Variants in PCDHA12 observed in about 807,000 individuals in gnomAD.
The protein encoded by PCDHA12 is protocadherin alpha 12.
In PCDHA12, 44 loss-of-function variants were observed where a neutral mutation model predicts 60.0. That is an observed-to-expected ratio of 0.73 (90% CI 0.58 to 0.94). The LOEUF (loss-of-function observed/expected upper bound fraction) is 0.94, where lower values mean the gene tolerates loss of function less well. Ranked by LOEUF, PCDHA12 falls within the 40% of genes least tolerant of loss-of-function variation. The probability of loss-of-function intolerance (pLI) is 0.00; values close to 1 mark genes in which losing one functional copy is unlikely to be tolerated. For missense variants in PCDHA12, 1,276 were observed against 1,239.7 expected, an observed-to-expected ratio of 1.03 and a Z score of -0.44; for synonymous variants, 569 against 553.0, an observed-to-expected ratio of 1.03 and a Z score of -0.40.
At chr5:140,877,881 G>T (rs782565949) in intron 1 of PCDHA12, 42 bp downstream of exon 1, 73 of 1,468,602 alleles carry the variant, frequency 5.0e-5, no homozygotes, top group Non-Finnish European at 5.9e-5. Flanking sequence ...TTTCCTTGAA[G>T]AACTTCCGTT....
chr5:140,883,504 C>A, intron 1 of PCDHA12: 1 of 1,614,172 alleles, frequency 6.2e-7, no homozygotes, highest in Non-Finnish European at 8.5e-7. Context: ...TGGACAGCGC[C>A]CTGGACCGCG....
chr5:140,947,569 A>G (rs2094145868), intron 1 of PCDHA12, among the ~76,000 whole-genome samples: 1 of 151,666 alleles, frequency 6.6e-6, no homozygotes. Flanking sequence ...TATATTGGGA[A>G]TGTTTTTAAC....
At chr5:140,972,797 G>A (rs1563419152) in intron 1 of PCDHA12, among the ~76,000 whole-genome samples, 3 of 151,664 alleles carry the variant, frequency 2.0e-5, no homozygotes, top group Admixed American at 2.0e-4. Flanking sequence ...CTGAGTAGCT[G>A]AGATTACAGG....
At chr5:140,885,809 T>G (rs1208963596) in intron 1 of PCDHA12, among the ~76,000 whole-genome samples, 1 of 152,320 alleles carries the variant, frequency 6.6e-6, no homozygotes, top group African/African-American at 2.4e-5. Flanking sequence ...ATTTTGTTGA[T>G]TTGTATTTGA....
intron 1 of PCDHA12, among the ~76,000 whole-genome samples, chr5:140,889,933 A>T (rs1034906344): frequency 7.9e-5 from 12 of 152,188 alleles, no homozygotes; most frequent in African/African-American, 2.9e-4. Context: ...CTCAAGCTGG[A>T]CTTGTGAGAA....
At chr5:140,978,703 G>A (rs556167285) in intron 1 of PCDHA12, among the ~76,000 whole-genome samples, 9 of 152,210 alleles carry the variant, frequency 5.9e-5, no homozygotes, top group Non-Finnish European at 1.3e-4. Flanking sequence ...AGCCAAAGGT[G>A]GCCTTTACAA....
intron 1 of PCDHA12, among the ~76,000 whole-genome samples, chr5:140,951,775 A>G (rs1554220072): frequency 1.3e-5 from 2 of 152,164 alleles, no homozygotes; most frequent in African/African-American, 4.8e-5. Context: ...ACGTTCTTAC[A>G]TTGCAAAATA....
Position 140,877,614 on chromosome 5 carries a change from G to A in PCDHA12, c.2142G>A (p.Thr714=), listed in dbSNP as rs2153354451. The A allele has an allele frequency of 1.9e-6, 3 of 1,613,850 alleles. No individual in the cohort carries two copies. Among genetic ancestry groups the A allele is most frequent in the Middle Eastern group, 3.3e-4 (2 of 6,056 alleles). The change falls in exon 1 of 4, where the codon ACG becomes ACA. Residue 714 remains threonine, a synonymous_variant. Transcript: ENST00000398631. The stretch of plus-strand genomic sequence containing the variant: ...CGGTGTCCAGCCTGCTGGTGCTCAC[G>A]CTGCTGCTGTACACTGCGCTGCGTT... ...ICAVSSLLVL[T]LLLYTALRCS...
intron 1 of PCDHA12, among the ~76,000 whole-genome samples, chr5:140,921,816 G>A (rs2080411020): frequency 6.6e-6 from 1 of 151,846 alleles, no homozygotes; most frequent in Non-Finnish European, 1.5e-5. Context: ...ATACATGTGT[G>A]AATATCTATA....
chr5:140,989,517 G>A (rs782479733), intron 3 of PCDHA12, among the ~76,000 whole-genome samples: 4 of 152,186 alleles, frequency 2.6e-5, no homozygotes, highest in Non-Finnish European at 5.9e-5. Flanking sequence ...CCTGAGTTGA[G>A]GGCAGAGGAG....
rs139167552 is a variant in PCDHA12, at chr5:140,939,382, C to T, written c.2368-39567C>T. On this transcript the variant is annotated intron_variant, in intron 1 of 3. Coordinates refer to ENST00000398631, the MANE Select transcript of PCDHA12 (RefSeq NM_018903.4). ...CAAAGGAGGAGGGAACACAAACATT[C>T]AGATCATAGCAAGTTTGTGTAAATC... 3.9e-5 allele frequency among the ~76,000 whole-genome samples: 6 copies of T among 152,258 alleles called. No homozygotes were observed. The East Asian group carries it at 1.2e-3, about 29-fold the overall frequency.
At chr5:140,965,388 C>A (rs2095896527) in intron 1 of PCDHA12, among the ~76,000 whole-genome samples, 1 of 151,982 alleles carries the variant, frequency 6.6e-6, no homozygotes, top group Non-Finnish European at 1.5e-5. Flanking sequence ...CACAGAAGAA[C>A]AGAAGTCTAA....
intron 1 of PCDHA12, among the ~76,000 whole-genome samples, chr5:140,878,496 C>G (rs562678244): frequency 7.2e-5 from 11 of 152,174 alleles, no homozygotes; most frequent in Non-Finnish European, 1.6e-4. Flanking sequence ...ATTTAACCAT[C>G]TGTACGATAC....
At chr5:140,888,706 T>G (rs1554183604) in intron 1 of PCDHA12, among the ~76,000 whole-genome samples, 1 of 152,196 alleles carries the variant, frequency 6.6e-6, no homozygotes, top group African/African-American at 2.4e-5. Context: ...TTGGTAGGAA[T>G]GTGAAATATT....
intron 1 of PCDHA12, 99 bp from the exon 2 acceptor site, chr5:140,978,850 G>T: frequency 6.3e-7 from 1 of 1,577,084 alleles, no homozygotes; most frequent in Non-Finnish European, 8.6e-7. Flanking sequence ...TTTTTTAGAT[G>T]CCTGGAAATA....
intron 1 of PCDHA12, among the ~76,000 whole-genome samples, chr5:140,908,870 T>C (rs1221082339): frequency 6.6e-6 from 1 of 152,136 alleles, no homozygotes; most frequent in Non-Finnish European, 1.5e-5. Flanking sequence ...ATGTGTTGCC[T>C]CCAAAATCCA....
At chr5:140,971,487 C>T (rs1285006281) in intron 1 of PCDHA12, among the ~76,000 whole-genome samples, 1 of 152,110 alleles carries the variant, frequency 6.6e-6, no homozygotes, top group African/African-American at 2.4e-5. Flanking sequence ...CACATTGTTA[C>T]AGTGTGGCAA....
In PCDHA12 at chr5:140,887,671, A is replaced by G. The variant is rs1417615702; in HGVS notation, c.2367+9832A>G. Among the ~76,000 whole-genome samples, 4 of 152,008 alleles carry G rather than the reference A, an allele frequency of 2.6e-5. No homozygotes were observed. In the East Asian group the frequency reaches 7.7e-4, roughly 29 times the overall value. The stretch of plus-strand genomic sequence containing the variant: ...ATATTCTTGGATCTGTGGATTTATC[A>G]TTTTCATCAAATTCAGGAAAAAATC... On this transcript the variant is annotated intron_variant, in intron 1 of 3. Transcript: ENST00000398631.
intron 1 of PCDHA12, chr5:140,927,790 G>C: frequency 6.2e-7 from 1 of 1,614,218 alleles, no homozygotes; most frequent in Non-Finnish European, 8.5e-7. Flanking sequence ...TGCTTCACTA[G>C]GTCCGCCTGA....
Sources: gnomAD v4.1 joint callset for allele counts (sites outside exome capture counted in the v4.1 genomes callset) on GRCh38, gnomAD v4.1.1 for gene constraint, MANE v1.5 for transcripts, NCBI Gene and HGNC (gene_info 2026-07-23, HGNC 2026-07-21) for gene names.